The following MIER3 variants were observed in gnomAD, a reference collection of about 807,000 sequenced individuals.
The protein encoded by MIER3 is mesoderm induction early response protein 3.
A neutral mutation model predicts 63.2 loss-of-function variants in MIER3; 9 were observed. The ratio of observed to expected loss-of-function variants is 0.14; its 90% CI spans 0.09 to 0.25. The LOEUF (loss-of-function observed/expected upper bound fraction) is 0.25. MIER3 is among the 10% of genes least tolerant of loss of function. The pLI, the probability that MIER3 is intolerant of heterozygous loss-of-function variation, is 1.00. For missense variants in MIER3, 512 were observed against 666.2 expected (o/e 0.77, Z 2.55); for synonymous variants, 205 against 224.9 (o/e 0.91, Z 0.79).
At position 56,921,820 on chromosome 5, in the gene MIER3, A is replaced by T. The variant is rs1328581338; in HGVS notation, c.*1308T>A. 1 of 152,684 alleles carries T rather than the reference A, an allele frequency of 6.5e-6. No homozygotes were observed. The highest frequency in any genetic ancestry group is 1.5e-5 in the Non-Finnish European group (1 of 68,046). The allele number at this position is 152,684 out of a possible 1,614,324, so 9.5% of individuals were successfully genotyped here. On this transcript the variant is annotated 3_prime_UTR_variant, in exon 13 of 13. Transcript: ENST00000381199. ...TTTTAACAGTACTACAAAAGCAAAG[A>T]TTACATCCTAATACTGTATTACATA...
chr5:56,933,334 T>C lies in MIER3; in HGVS notation c.660A>G (p.Glu220=), dbSNP rs1186231721. Residue 220 remains glutamate (E), a synonymous_variant, in exon 8 of 13, where the codon GAA becomes GAG. Coordinates refer to ENST00000381199, the MANE Select transcript of MIER3 (RefSeq NM_001297599.2). The part of the protein sequence containing the change: ...PDVVLESKVK[E]YLVETSLRTG... ...TCCTTAATGAAGTCTCAACAAGGTA[T>C]TCCTTAACTTTGCTCTCCAAAACCA... 1.2e-6 allele frequency: 2 copies of C among 1,613,428 alleles called. No homozygotes were observed. The highest frequency in any genetic ancestry group is 2.2e-5 in the East Asian group (1 of 44,794).
chr5:56,949,920 T>A (rs771417195), intron 2 of MIER3, among the ~76,000 whole-genome samples: 2 of 152,198 alleles, frequency 1.3e-5, no homozygotes, highest in African/African-American at 2.4e-5. Flanking sequence ...AAGGTCCTTA[T>A]GGACCTGCTA....
intron 5 of MIER3, among the ~76,000 whole-genome samples, chr5:56,936,058 T>C (rs1750433264): frequency 6.6e-6 from 1 of 151,734 alleles, no homozygotes; most frequent in Non-Finnish European, 1.5e-5. Flanking sequence ...CTACTAAAAA[T>C]ACAAAAAAAT....
At chr5:56,951,261 G>A (rs796261117) in intron 1 of MIER3, among the ~76,000 whole-genome samples, 30 of 152,176 alleles carry the variant, frequency 2.0e-4, no homozygotes, top group African/African-American at 6.5e-4. Flanking sequence ...TCCTTCCAGA[G>A]TGTTCAGTCC....
At chr5:56,925,603 AAAGAAGAACT>A (rs557760453) in intron 10 of MIER3, 3 of 199,134 alleles carry the variant, frequency 1.5e-5, no homozygotes, top group African/African-American at 7.1e-5. Context: ...TAAAGAAATC[AAAGAAGAACT>A]TAACGAAGAA....
At chr5:56,929,099 T>C (rs552052371) in intron 9 of MIER3, 5 of 354,534 alleles carry the variant, frequency 1.4e-5, no homozygotes, top group African/African-American at 4.2e-5. Flanking sequence ...TACAAAAATA[T>C]AAACACTGCT....
At chr5:56,935,349 T>A in intron 7 of MIER3, 79 bp downstream of exon 7, 1 of 1,107,322 alleles carries the variant, frequency 9.0e-7, no homozygotes. Flanking sequence ...AAGGCTGGTA[T>A]AAAGCCAGAT....
intron 8 of MIER3, among the ~76,000 whole-genome samples, chr5:56,932,154 G>T (rs908223081): frequency 3.9e-5 from 6 of 152,086 alleles, no homozygotes; most frequent in Non-Finnish European, 8.8e-5. Context: ...CAGTTACTCG[G>T]GAGGCTGAGG....
chr5:56,923,587 TA>T lies in MIER3; in HGVS notation c.1196-3del, dbSNP rs771292381. On this transcript the variant is annotated splice_region_variant and splice_polypyrimidine_tract_variant and intron_variant, in intron 12 of 12. Coordinates refer to ENST00000381199, the MANE Select transcript of MIER3 (RefSeq NM_001297599.2). The stretch of plus-strand genomic sequence containing the variant: ...CGGTTGCTACACTGTTGGTCAAAGC[TA>T]AAAAGGAATGGAAAATTGTTTAAGT... 6.2e-7 allele frequency: 1 copy of T among 1,611,574 alleles called. No homozygotes were observed. Among genetic ancestry groups the T allele is most frequent in the Non-Finnish European group, 8.5e-7 (1 of 1,178,204 alleles).
At chr5:56,937,880 T>G (rs1189823602) in intron 4 of MIER3, among the ~76,000 whole-genome samples, 182 bp from the exon 5 acceptor site, 2 of 150,772 alleles carry the variant, frequency 1.3e-5, no homozygotes, top group Non-Finnish European at 3.0e-5. Flanking sequence ...TAATATTCAA[T>G]AATATACTAT....
chr5:56,946,850 C>T (rs1750840729), intron 3 of MIER3, 76 bp downstream of exon 3: 2 of 1,109,894 alleles, frequency 1.8e-6, no homozygotes, highest in Non-Finnish European at 2.4e-6. Flanking sequence ...ATTTTTATTT[C>T]AGGTAGATTA....
At chr5:56,937,533 C>T (rs1267055117) in intron 5 of MIER3, 45 bp downstream of exon 5, 1 of 1,537,202 alleles carries the variant, frequency 6.5e-7, no homozygotes, top group Non-Finnish European at 8.8e-7. Flanking sequence ...ACTAAAGCTA[C>T]AGTATCAATG....
intron 3 of MIER3, chr5:56,941,154 A>G: frequency 1.0e-6 from 1 of 985,374 alleles, no homozygotes; most frequent in South Asian, 4.7e-5. Context: ...ACTTAGTGGG[A>G]GTAAGTCTCA....
At chr5:56,927,648 TCTA>T (rs1198019291) in intron 10 of MIER3, among the ~76,000 whole-genome samples, 5 of 152,162 alleles carry the variant, frequency 3.3e-5, no homozygotes, top group Non-Finnish European at 5.9e-5. Flanking sequence ...ATCCTGAAGT[TCTA>T]CTTTCAACAT....
chr5:56,927,412 G>A (rs992033883), intron 10 of MIER3, among the ~76,000 whole-genome samples: 1 of 152,004 alleles, frequency 6.6e-6, no homozygotes. Flanking sequence ...AAAAACTAAA[G>A]TCCATTAGCT....
intron 5 of MIER3, 79 bp from the exon 6 acceptor site, chr5:56,935,830 A>C: frequency 9.6e-7 from 1 of 1,042,286 alleles, no homozygotes; most frequent in African/African-American, 1.6e-5. Flanking sequence ...ATTTTACAAA[A>C]TGTTGTTAAA....
At chr5:56,949,137 C>T (rs777893517) in intron 2 of MIER3, among the ~76,000 whole-genome samples, 7 of 152,286 alleles carry the variant, frequency 4.6e-5, no homozygotes, top group Non-Finnish European at 8.8e-5. Flanking sequence ...AGGCGGATCA[C>T]TTGAGGTCAG....
intron 3 of MIER3, among the ~76,000 whole-genome samples, chr5:56,939,933 T>C (rs117891976): frequency 6.6e-6 from 1 of 152,378 alleles, no homozygotes; most frequent in East Asian, 1.9e-4. Context: ...TACTCTATGA[T>C]GTTCACACAG....
chr5:56,923,173 G>A lies in MIER3; in HGVS notation c.1608C>T (p.Ile536=). The A allele has an allele frequency of 6.2e-7, 1 of 1,614,044 alleles. No individual in the cohort carries two copies. ...SLSANETNGF[I]SAHALHQHAA... The stretch of plus-strand genomic sequence containing the variant: ...CGTGCTGATGCAGAGCATGGGCACT[G>A]ATGAAACCATTGGTCTCGTTGGCAG... The change falls in exon 13 of 13, where the codon ATC becomes ATT. Residue 536 remains isoleucine (I), a synonymous_variant. Transcript: ENST00000381199.
Sources: gnomAD v4.1 joint callset for allele counts (sites outside exome capture counted in the v4.1 genomes callset) on GRCh38, gnomAD v4.1.1 for gene constraint, MANE v1.5 for transcripts, NCBI Gene and HGNC (gene_info 2026-07-23, HGNC 2026-07-21) for gene names.